ST6GALNAC5: variants seen among roughly 807,000 people sequenced by gnomAD.
The protein encoded by ST6GALNAC5 is alpha-N-acetylgalactosaminide alpha-2,6-sialyltransferase 5.
Under a neutral mutation model 33.6 loss-of-function variants are expected in ST6GALNAC5, and 27 were observed. The observed-to-expected ratio is 0.80, with a 90% confidence interval of 0.59 to 1.11. The LOEUF is 1.11. ST6GALNAC5 is among the 50% of genes least tolerant of loss of function. The probability of loss-of-function intolerance (pLI) is 0.00; values close to 1 mark genes in which losing one functional copy is unlikely to be tolerated. For missense variants in ST6GALNAC5, 428 were observed against 454.0 expected (o/e 0.94, Z 0.52); for synonymous variants, 194 against 171.2 (o/e 1.13, Z -1.04).
intron 2 of ST6GALNAC5, among the ~76,000 whole-genome samples, chr1:76,940,949 A>T (rs1047126270): frequency 6.6e-6 from 1 of 152,086 alleles, no homozygotes; most frequent in Non-Finnish European, 1.5e-5. Flanking sequence ...TAGCTAAGTT[A>T]TGCATGTATA....
chr1:77,052,982 G>A (rs540593281), intron 4 of ST6GALNAC5, among the ~76,000 whole-genome samples: 1 of 150,138 alleles, frequency 6.7e-6, no homozygotes, highest in African/African-American at 2.5e-5. Flanking sequence ...CTTGCCTCCT[G>A]GAGGCTTATA....
intron 2 of ST6GALNAC5, among the ~76,000 whole-genome samples, chr1:76,945,366 AAAAC>A (rs763694052): frequency 4.1e-4 from 62 of 152,120 alleles, no homozygotes; most frequent in Non-Finnish European, 6.8e-4. Context: ...GGAACGCAAT[AAAAC>A]AAACAAACAG....
chr1:76,928,680 T>C (rs565460218), intron 2 of ST6GALNAC5, among the ~76,000 whole-genome samples: 1 of 152,294 alleles, frequency 6.6e-6, no homozygotes, highest in South Asian at 2.1e-4. Context: ...TGTCTACTCC[T>C]GCCTAGCCTC....
intron 2 of ST6GALNAC5, among the ~76,000 whole-genome samples, chr1:77,011,214 T>C (rs1160292463): frequency 6.6e-6 from 1 of 152,224 alleles, no homozygotes; most frequent in Non-Finnish European, 1.5e-5. Flanking sequence ...CTTTTGGCCG[T>C]GAGAAACACT....
At chr1:76,960,455 C>T (rs1648188305) in intron 2 of ST6GALNAC5, among the ~76,000 whole-genome samples, 1 of 152,128 alleles carries the variant, frequency 6.6e-6, no homozygotes, top group Non-Finnish European at 1.5e-5. Context: ...ATTAAAATTG[C>T]TAATGAAGTT....
chr1:77,038,849 T>C (rs762981015), intron 2 of ST6GALNAC5, among the ~76,000 whole-genome samples: 3 of 152,184 alleles, frequency 2.0e-5, no homozygotes, highest in Middle Eastern at 3.2e-3. Flanking sequence ...ATTTTAGGTA[T>C]GTTTGGGGGT....
At chr1:76,995,618 G>C (rs1484293707) in intron 2 of ST6GALNAC5, 1 of 151,632 alleles carries the variant, frequency 6.6e-6, no homozygotes, top group African/African-American at 2.4e-5. Flanking sequence ...AAAATAATGT[G>C]AATTATTTGT....
intron 2 of ST6GALNAC5, among the ~76,000 whole-genome samples, chr1:76,970,404 C>T (rs1648698307): frequency 6.6e-6 from 1 of 151,728 alleles, no homozygotes; most frequent in African/African-American, 2.4e-5. Context: ...AACTACATGA[C>T]TCATGCACAA....
At chr1:76,912,823 A>G (rs1328221082) in intron 2 of ST6GALNAC5, among the ~76,000 whole-genome samples, 1 of 152,148 alleles carries the variant, frequency 6.6e-6, no homozygotes, top group East Asian at 1.9e-4. Flanking sequence ...TCTGCACATG[A>G]GATGGGTTTC....
chr1:76,927,495 T>G (rs953786918), intron 2 of ST6GALNAC5, among the ~76,000 whole-genome samples: 1 of 152,080 alleles, frequency 6.6e-6, no homozygotes. Flanking sequence ...GACAAAGAGT[T>G]AGCAAAGGCC....
chr1:76,885,156 A>T (rs962241141), intron 2 of ST6GALNAC5, among the ~76,000 whole-genome samples: 2 of 152,124 alleles, frequency 1.3e-5, no homozygotes, highest in African/African-American at 4.8e-5. Context: ...TATGCAAACT[A>T]TGCCTGTAGA....
chr1:76,900,492 G>C (rs528062213), intron 2 of ST6GALNAC5, among the ~76,000 whole-genome samples: 3 of 152,220 alleles, frequency 2.0e-5, no homozygotes, highest in African/African-American at 7.2e-5. Context: ...AACATTTAAT[G>C]TTATCCCAGA....
chr1:77,011,612 T>C lies in ST6GALNAC5; in HGVS notation c.262-32592T>C, dbSNP rs140318626. Reference sequence around the variant, plus strand: ...TTATTTTATCTGTAATGATATTTGATATTCATTTTGTATATAAAATAATTT... The same window carrying C: ...TTATTTTATCTGTAATGATATTTGACATTCATTTTGTATATAAAATAATTT... On this transcript the variant is annotated intron_variant, in intron 2 of 4. Transcript: ENST00000477717. Among the ~76,000 whole-genome samples, 5 of 152,336 alleles carry C rather than the reference T, an allele frequency of 3.3e-5. No homozygotes were observed. The East Asian group carries it at 9.6e-4, about 29-fold the overall frequency.
intron 2 of ST6GALNAC5, among the ~76,000 whole-genome samples, chr1:76,884,703 TC>T (rs1175677486): frequency 3.9e-5 from 6 of 152,164 alleles, no homozygotes; most frequent in Admixed American, 2.6e-4. Flanking sequence ...TTGACTGGGT[TC>T]CAGAAAGGCA....
chr1:76,884,225 C>A (rs947961207), intron 2 of ST6GALNAC5, among the ~76,000 whole-genome samples: 1 of 152,180 alleles, frequency 6.6e-6, no homozygotes, highest in African/African-American at 2.4e-5. Flanking sequence ...AATGCAGATT[C>A]TCCAACAGAA....
chr1:77,010,140 G>C (rs1650578613), intron 2 of ST6GALNAC5, among the ~76,000 whole-genome samples: 1 of 152,154 alleles, frequency 6.6e-6, no homozygotes, highest in African/African-American at 2.4e-5. Context: ...ACAGGGCTTG[G>C]AGCACAATCA....
intron 2 of ST6GALNAC5, among the ~76,000 whole-genome samples, chr1:76,912,253 C>T (rs1646921918): frequency 6.6e-6 from 1 of 152,054 alleles, no homozygotes; most frequent in Admixed American, 6.6e-5. Flanking sequence ...GTTTCTTAAT[C>T]CTGAGTTCTA....
At chr1:77,049,087 C>T (rs2100467913) in intron 3 of ST6GALNAC5, among the ~76,000 whole-genome samples, 1 of 152,256 alleles carries the variant, frequency 6.6e-6, no homozygotes. Context: ...AACTAAGCCA[C>T]CCATGCTGTC....
At chr1:77,053,865 G>C in intron 4 of ST6GALNAC5, among the ~76,000 whole-genome samples, 1 of 150,704 alleles carries the variant, frequency 6.6e-6, no homozygotes, top group South Asian at 2.1e-4. Context: ...GACATCTCAT[G>C]GGCTGCTCAA....
Sources: gnomAD v4.1 joint callset for allele counts (sites outside exome capture counted in the v4.1 genomes callset) on GRCh38, gnomAD v4.1.1 for gene constraint, MANE v1.5 for transcripts, NCBI Gene and HGNC (gene_info 2026-07-23, HGNC 2026-07-21) for gene names.